PLCB4: variants seen among roughly 807,000 people sequenced by gnomAD.
PLCB4 encodes the protein 1-phosphatidylinositol 4,5-bisphosphate phosphodiesterase beta-4.
A neutral mutation model predicts 178.8 loss-of-function variants in PLCB4; 77 were observed. The ratio of observed to expected loss-of-function variants is 0.43; its 90% confidence interval spans 0.36 to 0.52. PLCB4 has a LOEUF of 0.52. Ranked by LOEUF, PLCB4 falls within the 20% of genes least tolerant of loss-of-function variation. The pLI is 0.00. For missense variants in PLCB4, 1,024 were observed against 1,453.4 expected, an observed-to-expected ratio of 0.70 and a Z score of 4.80; for synonymous variants, 496 against 490.8, an observed-to-expected ratio of 1.01 and a Z score of -0.14.
At chr20:9,184,433 C>T (rs915733310) in intron 2 of PLCB4, among the ~76,000 whole-genome samples, 5 of 151,990 alleles carry the variant, frequency 3.3e-5, no homozygotes, top group African/African-American at 1.2e-4. Context: ...GACACTGTGT[C>T]GTGATGTCAT....
chr20:9,347,215 A>AG (rs906830644), intron 7 of PLCB4, among the ~76,000 whole-genome samples: 1 of 152,138 alleles, frequency 6.6e-6, no homozygotes, highest in Non-Finnish European at 1.5e-5. Flanking sequence ...TACGCTGTTG[A>AG]GGGGGGCACT....
intron 3 of PLCB4, among the ~76,000 whole-genome samples, chr20:9,280,065 G>A (rs1237338509): frequency 6.6e-6 from 1 of 152,026 alleles, no homozygotes; most frequent in African/African-American, 2.4e-5. Flanking sequence ...AAATGGTAAA[G>A]CCAAGGCACT....
At chr20:9,346,336 T>C (rs184806847) in intron 7 of PLCB4, among the ~76,000 whole-genome samples, 24 of 152,316 alleles carry the variant, frequency 1.6e-4, no homozygotes, top group Admixed American at 1.4e-3. Context: ...AACATTTATA[T>C]CCTGCTTTAC....
chr20:9,350,273 A>G (rs1417458830), intron 7 of PLCB4, among the ~76,000 whole-genome samples: 1 of 152,190 alleles, frequency 6.6e-6, no homozygotes, highest in Non-Finnish European at 1.5e-5. Flanking sequence ...AATACTAATA[A>G]TAGTAGCAGC....
intron 32 of PLCB4, among the ~76,000 whole-genome samples, chr20:9,451,018 T>G (rs1399618433): frequency 2.0e-5 from 3 of 152,178 alleles, no homozygotes; most frequent in Non-Finnish European, 2.9e-5. Flanking sequence ...GGGCAGTTGT[T>G]TAATTATTGG....
chr20:9,202,307 A>T (rs943171802), intron 2 of PLCB4, among the ~76,000 whole-genome samples: 2 of 152,234 alleles, frequency 1.3e-5, no homozygotes, highest in Non-Finnish European at 2.9e-5. Flanking sequence ...TGGTGGTTAC[A>T]TGGCTGTATG....
At chr20:9,410,700 G>A (rs2039797295) in intron 24 of PLCB4, among the ~76,000 whole-genome samples, 1 of 151,994 alleles carries the variant, frequency 6.6e-6, no homozygotes, top group Non-Finnish European at 1.5e-5. Flanking sequence ...CTCTGCCCAG[G>A]GATCCTGAGA....
intron 3 of PLCB4, among the ~76,000 whole-genome samples, chr20:9,269,839 C>G (rs1568498058): frequency 6.6e-6 from 1 of 152,132 alleles, no homozygotes; most frequent in Non-Finnish European, 1.5e-5. Context: ...GCTATAGCTG[C>G]TGTAATTTCC....
intron 39 of PLCB4, among the ~76,000 whole-genome samples, chr20:9,477,580 C>T (rs1462309821): frequency 6.7e-6 from 1 of 150,026 alleles, no homozygotes; most frequent in Non-Finnish European, 1.5e-5. Flanking sequence ...CTTTTGAATA[C>T]TGTTTGTGTC....
intron 36 of PLCB4, 33 bp from the exon 37 acceptor site, chr20:9,472,757 A>G (rs1419985497): frequency 1.4e-6 from 2 of 1,388,646 alleles, no homozygotes; most frequent in East Asian, 2.3e-5. Flanking sequence ...ATTCAATGTC[A>G]TACCAACCGT....
intron 12 of PLCB4, among the ~76,000 whole-genome samples, chr20:9,379,459 T>C (rs1010396972): frequency 1.3e-5 from 2 of 152,164 alleles, no homozygotes; most frequent in South Asian, 4.1e-4. Flanking sequence ...ACTGATTAAT[T>C]TTCATCATTA....
At chr20:9,299,553 A>G (rs1166841253) in intron 3 of PLCB4, among the ~76,000 whole-genome samples, 4 of 151,854 alleles carry the variant, frequency 2.6e-5, no homozygotes, top group Non-Finnish European at 4.4e-5. Context: ...TCTTAACTGT[A>G]TGTTAAGAGC....
rs2089433782 is a variant in PLCB4, at chr20:9,069,172, CGCATCCCCGGCA to C, written c.-165_-154del. 6.5e-6 allele frequency: 1 copy of C among 153,248 alleles called. No homozygotes were observed. The highest frequency in any genetic ancestry group is 2.4e-5 in the African/African-American group (1 of 41,450). 9.5% of individuals were successfully genotyped at this position (153,248 alleles called of 1,614,324 possible). On this transcript the variant is annotated 5_prime_UTR_variant, in exon 1 of 40. Coordinates refer to ENST00000378473, the MANE Select transcript of PLCB4 (RefSeq NM_001377142.1). ...TGGGTCTCCAGGCAGCGGCCGTCGC[CGCATCCCCGGCA>C]GCAGCTCCAGGCAAAGTGACAGGTA...
At chr20:9,337,878 T>G (rs2032677043) in intron 5 of PLCB4, 130 bp from the exon 6 acceptor site, 2 of 610,146 alleles carry the variant, frequency 3.3e-6, no homozygotes, top group Non-Finnish European at 6.0e-6. Flanking sequence ...TTACATGGTT[T>G]TAATTCCCTC....
At chr20:9,281,607 T>G (rs2094495374) in intron 3 of PLCB4, among the ~76,000 whole-genome samples, 1 of 151,970 alleles carries the variant, frequency 6.6e-6, no homozygotes, top group Non-Finnish European at 1.5e-5. Flanking sequence ...ATATAACATT[T>G]TATTACCTAA....
intron 3 of PLCB4, among the ~76,000 whole-genome samples, chr20:9,302,599 A>C (rs542244533): frequency 1.6e-4 from 25 of 152,164 alleles, no homozygotes; most frequent in Non-Finnish European, 3.2e-4. Flanking sequence ...CCCCAATGCT[A>C]TGAAGGAATA....
At chr20:9,347,981 AAC>A (rs1285864017) in intron 7 of PLCB4, among the ~76,000 whole-genome samples, 1 of 152,282 alleles carries the variant, frequency 6.6e-6, no homozygotes, top group East Asian at 1.9e-4. Context: ...TCAAAAACAA[AAC>A]AAACAAACAA....
chr20:9,154,648 C>T (rs2092749882), intron 2 of PLCB4, among the ~76,000 whole-genome samples: 1 of 152,120 alleles, frequency 6.6e-6, no homozygotes, highest in Non-Finnish European at 1.5e-5. Context: ...TACCATATAC[C>T]ATGCACTGTA....
chr20:9,114,274 T>A (rs1335343521), intron 2 of PLCB4, among the ~76,000 whole-genome samples: 9 of 152,070 alleles, frequency 5.9e-5, no homozygotes, highest in Admixed American at 5.9e-4. Context: ...TAATTTGGGA[T>A]TGACATAGGA....
Sources: allele counts gnomAD v4.1 joint callset (sites outside exome capture counted in the v4.1 genomes callset), GRCh38; gene constraint gnomAD v4.1.1; transcripts MANE v1.5; gene names NCBI Gene and HGNC (gene_info 2026-07-23, HGNC 2026-07-21).